WDR7: variants seen among roughly 807,000 people sequenced by gnomAD.
WDR7 encodes the protein WD repeat-containing protein 7.
WDR7 carries 46 observed loss-of-function variants against 169.4 expected under a neutral mutation model. That is an observed-to-expected ratio of 0.27 (90% CI 0.21 to 0.35). WDR7 has a LOEUF of 0.35. Among genes scored for constraint, WDR7 ranks in the 10% least tolerant of loss-of-function variants. WDR7 has a pLI of 1.00. For missense variants in WDR7, 1,534 were observed against 1,859.3 expected (o/e 0.83, Z 3.22); for synonymous variants, 612 against 666.8 (o/e 0.92, Z 1.27).
intron 20 of WDR7, among the ~76,000 whole-genome samples, chr18:56,822,451 T>C (rs2045115488): frequency 6.6e-6 from 1 of 152,234 alleles, no homozygotes; most frequent in Non-Finnish European, 1.5e-5. Context: ...AAGATGTTTT[T>C]ACATTTGTTC....
At chr18:56,909,163 A>G (rs1760799721) in intron 21 of WDR7, among the ~76,000 whole-genome samples, 1 of 152,152 alleles carries the variant, frequency 6.6e-6, no homozygotes, top group African/African-American at 2.4e-5. Context: ...ACAGTTACCA[A>G]ATATTAAGCT....
At chr18:56,942,753 G>T (rs888986481) in intron 25 of WDR7, among the ~76,000 whole-genome samples, 9 of 152,068 alleles carry the variant, frequency 5.9e-5, no homozygotes, top group Admixed American at 5.2e-4. Context: ...GTTAAGTAAG[G>T]ACTTACTGTA....
chr18:56,665,989 G>A (rs552718316), intron 1 of WDR7, among the ~76,000 whole-genome samples: 2 of 152,098 alleles, frequency 1.3e-5, no homozygotes, highest in Non-Finnish European at 2.9e-5. Context: ...TTTCCATATT[G>A]ATCCGTCACT....
intron 16 of WDR7, among the ~76,000 whole-genome samples, chr18:56,759,709 T>A (rs1314066542): frequency 6.6e-6 from 1 of 152,184 alleles, no homozygotes; most frequent in African/African-American, 2.4e-5. Context: ...ACAGATGGGT[T>A]GATGCAGCTT....
chr18:56,692,438 TTG>T (rs368716476), intron 9 of WDR7, among the ~76,000 whole-genome samples: 4,727 of 53,954 alleles, frequency 0.088, 266 homozygotes, highest in African/African-American at 0.13. Flanking sequence ...AGAGTTTTTT[TTG>T]TTTTTTTTTT....
At chr18:56,765,020 C>T (rs2044039361) in intron 16 of WDR7, among the ~76,000 whole-genome samples, 1 of 152,084 alleles carries the variant, frequency 6.6e-6, no homozygotes, top group African/African-American at 2.4e-5. Flanking sequence ...TGGTAATGTC[C>T]TTTGCTTTGA....
intron 21 of WDR7, among the ~76,000 whole-genome samples, chr18:56,900,080 GTGTA>G (rs1408082866): frequency 0.045 from 1,358 of 30,200 alleles, 13 homozygotes; most frequent in Non-Finnish European, 0.057. Flanking sequence ...GTGTGTGTGT[GTGTA>G]TATATATATA....
chr18:56,847,954 C>T (rs1443856748), intron 20 of WDR7, among the ~76,000 whole-genome samples: 1 of 152,220 alleles, frequency 6.6e-6, no homozygotes, highest in Non-Finnish European at 1.5e-5. Flanking sequence ...TGCTTAGGCA[C>T]TACAGAGGAG....
chr18:56,809,985 GTTTTGCCTT>G (rs1439086148), intron 19 of WDR7, among the ~76,000 whole-genome samples: 4 of 151,850 alleles, frequency 2.6e-5, no homozygotes, highest in Non-Finnish European at 4.4e-5. Context: ...TTTCATTTTT[GTTTTGCCTT>G]TTACAGAAAG....
At chr18:56,901,110 T>C (rs536263686) in intron 21 of WDR7, among the ~76,000 whole-genome samples, 1 of 152,272 alleles carries the variant, frequency 6.6e-6, no homozygotes, top group South Asian at 2.1e-4. Context: ...TTTATAATGC[T>C]AATCATGGGC....
At position 56,924,905 on chromosome 18, in the gene WDR7, T is replaced by G. The variant is rs1403072682; in HGVS notation, c.3713+797T>G. Among the ~76,000 whole-genome samples, 4 of 152,338 alleles carry G rather than the reference T, an allele frequency of 2.6e-5. No homozygotes were observed. In the South Asian group the frequency reaches 8.3e-4, roughly 32 times the overall value. ...TAGTCCCCACAGAAGTCACCCTGAATGGAAGCCCCATGCCCATTAAGCAGT... is the reference window on the plus strand; with the variant it reads ...TAGTCCCCACAGAAGTCACCCTGAAGGGAAGCCCCATGCCCATTAAGCAGT... On this transcript the variant is annotated intron_variant, in intron 22 of 27. Coordinates refer to ENST00000254442, the MANE Select transcript of WDR7 (RefSeq NM_015285.3).
At chr18:56,758,776 G>C (rs78265738) in intron 15 of WDR7, 89 bp from the exon 16 acceptor site, 1 of 936,138 alleles carries the variant, frequency 1.1e-6, no homozygotes, top group Non-Finnish European at 1.5e-6. Context: ...TTTGTGATTC[G>C]TTTAGAAGTA....
chr18:56,940,410 C>G (rs2047018074), intron 25 of WDR7, among the ~76,000 whole-genome samples: 1 of 152,032 alleles, frequency 6.6e-6, no homozygotes, highest in Non-Finnish European at 1.5e-5. Context: ...TTTGCAGTTT[C>G]TGATTCATGC....
intron 26 of WDR7, among the ~76,000 whole-genome samples, chr18:57,017,095 G>C (rs965418136): frequency 1.3e-5 from 2 of 152,254 alleles, no homozygotes; most frequent in African/African-American, 4.8e-5. Context: ...CCGCACAGCT[G>C]CATCTCTAAT....
At chr18:56,823,879 G>A (rs1260083758) in intron 20 of WDR7, among the ~76,000 whole-genome samples, 4 of 151,866 alleles carry the variant, frequency 2.6e-5, no homozygotes, top group Non-Finnish European at 4.4e-5. Flanking sequence ...TCAGATTATC[G>A]TTGCATTTTC....
intron 21 of WDR7, among the ~76,000 whole-genome samples, chr18:56,917,104 G>A (rs1392198725): frequency 6.6e-6 from 1 of 152,122 alleles, no homozygotes; most frequent in Non-Finnish European, 1.5e-5. Context: ...ATCTGAGACA[G>A]GAGAATCACT....
At chr18:56,723,802 T>A (rs1025295330) in intron 13 of WDR7, among the ~76,000 whole-genome samples, 1 of 152,132 alleles carries the variant, frequency 6.6e-6, no homozygotes, top group African/African-American at 2.4e-5. Flanking sequence ...TTTCTTTTCT[T>A]TGGAGACTCC....
chr18:56,897,214 A>G (rs1467010405), intron 21 of WDR7, among the ~76,000 whole-genome samples: 39 of 151,978 alleles, frequency 2.6e-4, no homozygotes, highest in Admixed American at 2.4e-3. Context: ...AAGAATGTAA[A>G]TTGGTTTAGT....
At chr18:56,704,905 G>A (rs1005815803) in intron 12 of WDR7, among the ~76,000 whole-genome samples, 1 of 152,130 alleles carries the variant, frequency 6.6e-6, no homozygotes, top group African/African-American at 2.4e-5. Flanking sequence ...TTTTTATTTT[G>A]GACTGGAGAG....
Sources: gnomAD v4.1 joint callset for allele counts (sites outside exome capture counted in the v4.1 genomes callset) on GRCh38, gnomAD v4.1.1 for gene constraint, MANE v1.5 for transcripts, NCBI Gene and HGNC (gene_info 2026-07-23, HGNC 2026-07-21) for gene names.